The following TIAM1 variants were observed in gnomAD, a reference collection of about 807,000 sequenced individuals.
The protein encoded by TIAM1 is rho guanine nucleotide exchange factor TIAM1.
Under a neutral mutation model 163.5 loss-of-function variants are expected in TIAM1, and 65 were observed. That is an observed-to-expected ratio of 0.40 (90% confidence interval 0.33 to 0.49). TIAM1 has a LOEUF of 0.49. TIAM1 is among the 20% of genes least tolerant of loss of function. The pLI, the probability that TIAM1 is intolerant of heterozygous loss-of-function variation, is 0.77. For synonymous variants in TIAM1, 833 were observed against 810.1 expected (o/e 1.03, Z -0.48); for missense variants, 1,789 against 2,044.7 (o/e 0.87, Z 2.41).
In TIAM1 at chr21:31,553,168, G is replaced by C. The variant is rs1293225410; in HGVS notation, c.-422+5759C>G. 2.0e-5 allele frequency among the ~76,000 whole-genome samples: 3 copies of C among 152,306 alleles called. No homozygotes were observed. In the East Asian group the frequency reaches 5.8e-4, roughly 29 times the overall value. On this transcript the variant is annotated intron_variant, in intron 1 of 28. Transcript: ENST00000286827. ...AAGTGGGTCATTTTTGAGCATGTCAGGTGGTAGAATTAATAATGACACCAG... is the reference window on the plus strand; with the variant it reads ...AAGTGGGTCATTTTTGAGCATGTCACGTGGTAGAATTAATAATGACACCAG...
chr21:31,483,854 G>T (rs1265958524), intron 1 of TIAM1, among the ~76,000 whole-genome samples: 1 of 152,130 alleles, frequency 6.6e-6, no homozygotes, highest in East Asian at 1.9e-4. Context: ...TGGAAAAAGG[G>T]ACTGAACCAA....
chr21:31,548,490 G>GTT (rs760538797), intron 1 of TIAM1, among the ~76,000 whole-genome samples: 2 of 128,630 alleles, frequency 1.6e-5, no homozygotes, highest in African/African-American at 2.8e-5. Context: ...TTTTGTTGTT[G>GTT]TTTTTTTTTT....
intron 13 of TIAM1, among the ~76,000 whole-genome samples, chr21:31,194,061 T>C (rs2085711025): frequency 6.6e-6 from 1 of 152,118 alleles, no homozygotes; most frequent in African/African-American, 2.4e-5. Context: ...ATCCAGTGCA[T>C]TCCGCCGCTG....
At chr21:31,212,841 C>G (rs555771360) in intron 10 of TIAM1, 2 of 152,354 alleles carry the variant, frequency 1.3e-5, no homozygotes, top group Non-Finnish European at 2.9e-5. Flanking sequence ...ATCTCCTGAC[C>G]TCGTGATCCA....
chr21:31,355,939 A>G (rs1248876658), intron 2 of TIAM1, among the ~76,000 whole-genome samples: 3 of 152,168 alleles, frequency 2.0e-5, no homozygotes, highest in Non-Finnish European at 4.4e-5. Context: ...TAAGCCCCAC[A>G]AGAGCAGGCA....
At chr21:31,544,585 G>A (rs1316303018) in intron 1 of TIAM1, among the ~76,000 whole-genome samples, 1 of 151,814 alleles carries the variant, frequency 6.6e-6, no homozygotes. Context: ...CTGAGATCAC[G>A]CCATTGCACT....
At chr21:31,158,657 T>G (rs2083745328) in intron 16 of TIAM1, among the ~76,000 whole-genome samples, 1 of 152,178 alleles carries the variant, frequency 6.6e-6, no homozygotes, top group African/African-American at 2.4e-5. Context: ...GTTTGAAAAT[T>G]CTGTTTTATT....
intron 10 of TIAM1, among the ~76,000 whole-genome samples, chr21:31,210,627 AAG>A (rs1164459123): frequency 0.056 from 1,290 of 23,216 alleles, 177 homozygotes; most frequent in African/African-American, 0.19. Flanking sequence ...GAAAGAAAGA[AAG>A]AAAGAAAGAA....
At chr21:31,348,354 C>T (rs1274026853), upstream of TIAM1, among the ~76,000 whole-genome samples, 1 of 152,322 alleles carries the variant, frequency 6.6e-6, no homozygotes, top group East Asian at 1.9e-4. Context: ...GGCACCAACG[C>T]GTCCTCACCT....
chr21:31,509,617 T>C (rs2047145343), intron 1 of TIAM1, among the ~76,000 whole-genome samples: 1 of 152,182 alleles, frequency 6.6e-6, no homozygotes, highest in Non-Finnish European at 1.5e-5. Context: ...CTCAGTCCCC[T>C]GCAGGCATCA....
chr21:31,543,620 G>A (rs1333058148), intron 1 of TIAM1, among the ~76,000 whole-genome samples: 1 of 152,236 alleles, frequency 6.6e-6, no homozygotes, highest in Non-Finnish European at 1.5e-5. Flanking sequence ...ACCTAGAAGA[G>A]GAGGTAGATT....
chr21:31,367,979 C>G (rs1437133943), intron 2 of TIAM1, among the ~76,000 whole-genome samples: 1 of 152,166 alleles, frequency 6.6e-6, no homozygotes, highest in Admixed American at 6.5e-5. Flanking sequence ...GATCAATGAG[C>G]TGAACCCAAA....
chr21:31,409,737 G>C (rs1327390415), intron 2 of TIAM1, among the ~76,000 whole-genome samples: 1 of 152,102 alleles, frequency 6.6e-6, no homozygotes, highest in African/African-American at 2.4e-5. Flanking sequence ...GGCCTTCTCT[G>C]GGCTGGAGGA....
intron 2 of TIAM1, among the ~76,000 whole-genome samples, chr21:31,404,446 T>C (rs994553316): frequency 6.7e-6 from 1 of 149,784 alleles, no homozygotes; most frequent in Non-Finnish European, 1.5e-5. Context: ...CTGTCCCTCA[T>C]CAAAAAACAC....
intron 2 of TIAM1, among the ~76,000 whole-genome samples, chr21:31,408,542 A>G (rs2077288141): frequency 6.6e-6 from 1 of 152,216 alleles, no homozygotes; most frequent in Non-Finnish European, 1.5e-5. Flanking sequence ...AATGCAGAGG[A>G]ATTAGATTTT....
chr21:31,305,318 T>G (rs777041062), intron 2 of TIAM1, among the ~76,000 whole-genome samples: 12 of 151,972 alleles, frequency 7.9e-5, no homozygotes, highest in Admixed American at 1.3e-4. Flanking sequence ...GAATAAGCGA[T>G]TGGTTCTACA....
chr21:31,390,661 G>A (rs1056826911), intron 2 of TIAM1, among the ~76,000 whole-genome samples: 12 of 152,260 alleles, frequency 7.9e-5, no homozygotes, highest in African/African-American at 2.9e-4. Context: ...CTTCATTATG[G>A]TTCTTGAAAA....
chr21:31,451,239 C>A (rs1048868428), intron 2 of TIAM1, among the ~76,000 whole-genome samples: 1 of 152,150 alleles, frequency 6.6e-6, no homozygotes, highest in African/African-American at 2.4e-5. Flanking sequence ...TGCCACAGCA[C>A]CATCCATCAC....
chr21:31,485,761 A>T (rs2046251432), intron 1 of TIAM1, among the ~76,000 whole-genome samples: 1 of 152,102 alleles, frequency 6.6e-6, no homozygotes, highest in Admixed American at 6.5e-5. Context: ...CTGGGTGCCA[A>T]CCACGGCCAG....
Sources: allele counts gnomAD v4.1 joint callset (sites outside exome capture counted in the v4.1 genomes callset), GRCh38; gene constraint gnomAD v4.1.1; transcripts MANE v1.5; gene names NCBI Gene and HGNC (gene_info 2026-07-23, HGNC 2026-07-21).